Variants in NCALD observed in about 807,000 individuals in gnomAD.
NCALD encodes the protein neurocalcin delta.
NCALD carries 10 observed loss-of-function variants against 18.6 expected under a neutral mutation model. That is an observed-to-expected ratio of 0.54 (90% confidence interval 0.33 to 0.91). NCALD has a LOEUF of 0.91. Ranked by LOEUF, NCALD falls within the 40% of genes least tolerant of loss-of-function variation. NCALD has a pLI of 0.03. For missense variants in NCALD, 184 were observed against 247.6 expected, an observed-to-expected ratio of 0.74 and a Z score of 1.72; for synonymous variants, 88 against 87.4, an observed-to-expected ratio of 1.01 and a Z score of -0.04.
intron 4 of NCALD, among the ~76,000 whole-genome samples, chr8:101,804,291 C>CAATTATATATAATTATATCAATTATA (rs1812978520): frequency 8.5e-6 from 1 of 117,384 alleles, no homozygotes; most frequent in Admixed American, 9.9e-5. Context: ...CTATTTATAA[C>CAATTATATATAATTATATCAATTATA]TATTATATAT....
rs1461299268 is a variant in NCALD at position 101,688,707 on chromosome 8, A to G, written c.*602T>C. On this transcript the variant is annotated 3_prime_UTR_variant, in exon 4 of 4. Coordinates refer to ENST00000220931, the MANE Select transcript of NCALD (RefSeq NM_032041.3). ...AAACCTGTGAAAAAATAGCTGAGCC[A>G]TCTTTTTCCTCTCCTCTGTTAATTT... The G allele has an allele frequency of 6.2e-6, 3 of 484,548 alleles. No individual in the cohort carries two copies. Among genetic ancestry groups the G allele is most frequent in the Admixed American group, 2.3e-5 (1 of 43,340 alleles). 30.0% of individuals were successfully genotyped at this position (484,548 alleles called of 1,614,324 possible).
chr8:102,046,959 C>T (rs1823267381), intron 1 of NCALD, among the ~76,000 whole-genome samples: 1 of 152,152 alleles, frequency 6.6e-6, no homozygotes, highest in Admixed American at 6.5e-5. Flanking sequence ...CTTTTCCGCT[C>T]CTCTCCCTCC....
intron 2 of NCALD, among the ~76,000 whole-genome samples, chr8:101,921,376 AT>A (rs1818160262): frequency 6.6e-6 from 1 of 151,862 alleles, no homozygotes; most frequent in South Asian, 2.1e-4. Context: ...ATCCTTTTTT[AT>A]TAAAAAATTA....
chr8:101,948,991 T>C (rs1290609209), intron 2 of NCALD, among the ~76,000 whole-genome samples: 1 of 152,206 alleles, frequency 6.6e-6, no homozygotes, highest in Non-Finnish European at 1.5e-5. Context: ...GCCCATCAGG[T>C]GCTTCTTGTT....
At chr8:101,956,844 C>A (rs1819646526) in intron 2 of NCALD, among the ~76,000 whole-genome samples, 1 of 152,190 alleles carries the variant, frequency 6.6e-6, no homozygotes. Flanking sequence ...TGGAAGTATA[C>A]AATCATGTAA....
chr8:102,061,152 CA>C (rs1383904858), intron 1 of NCALD, among the ~76,000 whole-genome samples: 3 of 152,200 alleles, frequency 2.0e-5, no homozygotes, highest in African/African-American at 7.2e-5. Flanking sequence ...CAGAAGATTA[CA>C]GTGGGTCAAG....
At chr8:101,694,569 G>A (rs1814896279) in intron 2 of NCALD, among the ~76,000 whole-genome samples, 1 of 152,172 alleles carries the variant, frequency 6.6e-6, no homozygotes, top group Admixed American at 6.5e-5. Context: ...TGACTCTGCA[G>A]CGACTTGGTC....
intron 3 of NCALD, among the ~76,000 whole-genome samples, chr8:101,893,693 A>C (rs1383510464): frequency 7.6e-6 from 1 of 131,168 alleles, no homozygotes; most frequent in Admixed American, 7.6e-5. Context: ...TGGAAAACAA[A>C]AAAAGGCAGG....
chr8:101,707,516 A>G (rs1815584948), intron 2 of NCALD, among the ~76,000 whole-genome samples: 1 of 152,200 alleles, frequency 6.6e-6, no homozygotes, highest in Non-Finnish European at 1.5e-5. Flanking sequence ...TTTTTTTCCC[A>G]TACTGCTAAA....
rs1030068078 is a variant in NCALD at position 101,691,886 on chromosome 8, T to C, written c.484+905A>G. The C allele has an allele frequency of 1.3e-5, 13 of 985,272 alleles. No homozygotes were observed. In the African/African-American group the frequency reaches 2.3e-4, roughly 17 times the overall value. 61.0% of individuals were successfully genotyped at this position (985,272 alleles called of 1,614,324 possible). A position where few individuals can be genotyped will look rare whatever the true frequency, so the allele number is the denominator to read the frequency against. ...GGTTGACAAGAATTGCCGAGGCCTC[T>C]GAACAGATCGGGTGAGCTGATAATA... On this transcript the variant is annotated intron_variant, in intron 3 of 3. Transcript: ENST00000220931.
At chr8:101,890,790 G>A (rs972957242) in intron 3 of NCALD, among the ~76,000 whole-genome samples, 1 of 152,220 alleles carries the variant, frequency 6.6e-6, no homozygotes, top group East Asian at 1.9e-4. Flanking sequence ...TTTAGTTATA[G>A]CAGTACAGAC....
intron 1 of NCALD, among the ~76,000 whole-genome samples, chr8:102,024,520 A>G (rs1275900516): frequency 1.3e-5 from 2 of 152,198 alleles, no homozygotes; most frequent in Non-Finnish European, 2.9e-5. Context: ...TCAAAACACC[A>G]TCGATTGTCC....
chr8:101,873,111 CA>C (rs1348623924), intron 4 of NCALD, among the ~76,000 whole-genome samples: 1 of 152,192 alleles, frequency 6.6e-6, no homozygotes, highest in Non-Finnish European at 1.5e-5. Flanking sequence ...GTTCCTTTGC[CA>C]TTGACTTCTG....
chr8:101,797,788 C>T (rs1283706955), intron 4 of NCALD, among the ~76,000 whole-genome samples: 1 of 151,830 alleles, frequency 6.6e-6, no homozygotes, highest in African/African-American at 2.4e-5. Flanking sequence ...TGCACTCCAG[C>T]CTGGTGATAC....
At chr8:101,921,086 A>G (rs906429999) in intron 2 of NCALD, among the ~76,000 whole-genome samples, 1 of 152,156 alleles carries the variant, frequency 6.6e-6, no homozygotes, top group African/African-American at 2.4e-5. Context: ...GGTGTTATCT[A>G]TTAGATCCCA....
intron 2 of NCALD, among the ~76,000 whole-genome samples, chr8:101,969,916 A>C (rs1340790849): frequency 6.6e-6 from 1 of 151,658 alleles, no homozygotes; most frequent in Non-Finnish European, 1.5e-5. Flanking sequence ...AGTAGAAATA[A>C]ATCTAAGTGT....
At chr8:102,017,591 A>G (rs1413596770) in intron 2 of NCALD, among the ~76,000 whole-genome samples, 1 of 152,156 alleles carries the variant, frequency 6.6e-6, no homozygotes, top group Non-Finnish European at 1.5e-5. Flanking sequence ...GCTACTCGGG[A>G]GGCTGACGCA....
chr8:101,825,231 T>C (rs1190381962), intron 4 of NCALD, among the ~76,000 whole-genome samples: 1 of 152,242 alleles, frequency 6.6e-6, no homozygotes, highest in Non-Finnish European at 1.5e-5. Flanking sequence ...TAACATAGTA[T>C]ACAGTAGGGA....
At chr8:101,976,732 G>T (rs1282539279) in intron 2 of NCALD, among the ~76,000 whole-genome samples, 1 of 152,062 alleles carries the variant, frequency 6.6e-6, no homozygotes, top group Non-Finnish European at 1.5e-5. Context: ...CTATGTGTCA[G>T]GCACTTGGTC....
Sources: gnomAD v4.1 joint callset for allele counts (sites outside exome capture counted in the v4.1 genomes callset) on GRCh38, gnomAD v4.1.1 for gene constraint, MANE v1.5 for transcripts, NCBI Gene and HGNC (gene_info 2026-07-23, HGNC 2026-07-21) for gene names.